Variants in RNF115 observed in about 807,000 individuals in gnomAD.
RNF115 encodes ring finger protein 115.
In RNF115, 31 loss-of-function variants were observed where a neutral mutation model predicts 39.2. The ratio of observed to expected loss-of-function variants is 0.79; its 90% CI spans 0.59 to 1.07. RNF115 has a LOEUF of 1.07. Among genes scored for constraint, RNF115 ranks in the 50% least tolerant of loss-of-function variants. The pLI is 0.00. For missense variants in RNF115, 384 were observed against 381.7 expected (o/e 1.01, Z -0.05); for synonymous variants, 124 against 131.0 (o/e 0.95, Z 0.37).
chr1:145,813,201 G>A lies in RNF115; in HGVS notation c.102+10571C>T, dbSNP rs1649814525. Among the ~76,000 whole-genome samples, 4 of 151,426 alleles carry A rather than the reference G, an allele frequency of 2.6e-5. No homozygotes were observed. The Admixed American group carries it at 2.7e-4, about 10-fold the overall frequency. On this transcript the variant is annotated intron_variant, in intron 1 of 8. Transcript: ENST00000582693. ...GCACCTAAGTATCATTTTACAATGG[G>A]ATATACTTAGGTAAACTGAGACGGT...
rs1037102245 is a variant in RNF115 at position 145,743,110 on chromosome 1, G to A, written c.*3756C>T. On this transcript the variant is annotated 3_prime_UTR_variant, in exon 9 of 9. Coordinates refer to ENST00000582693, the MANE Select transcript of RNF115 (RefSeq NM_014455.4). ...GATGGTTAATCTTATGTGTCAACTT[G>A]ACTAGGCCACATGATGCCCAGATAT... 6.6e-6 allele frequency: 1 copy of A among 152,192 alleles called. No individual in the cohort carries two copies. Among genetic ancestry groups the A allele is most frequent in the African/African-American group, 2.4e-5 (1 of 41,432 alleles). 9.4% of individuals were successfully genotyped at this position (152,192 alleles called of 1,614,324 possible).
At chr1:145,773,167 G>C (rs1355170221) in intron 3 of RNF115, 1 of 152,148 alleles carries the variant, frequency 6.6e-6, no homozygotes, top group Non-Finnish European at 1.5e-5. Flanking sequence ...TAAGACAGCT[G>C]ATTTAAAGTT....
At chr1:145,751,183 A>G (rs1300742607) in intron 6 of RNF115, among the ~76,000 whole-genome samples, 1 of 152,182 alleles carries the variant, frequency 6.6e-6, no homozygotes, top group Admixed American at 6.5e-5. Context: ...AATACAAAAT[A>G]CTATTTGTTA....
Position 145,771,795 on chromosome 1 carries a change from C to G in RNF115, c.344G>C (p.Gly115Ala). 2 of 1,614,134 alleles carry G rather than the reference C, an allele frequency of 1.2e-6. No homozygotes were observed. The highest frequency in any genetic ancestry group is 1.7e-6 in the Non-Finnish European group (2 of 1,179,992). The change falls in exon 4 of 9, where the codon GGA becomes GCA. Residue 115 changes from glycine to alanine, a missense_variant. Gly to Ala is a moderately conservative substitution (Grantham distance 60). Coordinates refer to ENST00000582693, the MANE Select transcript of RNF115 (RefSeq NM_014455.4). ...RGHQTHTDFW[G>A]ARPPRLPLGR... ...CAATGGCAACCGTGGAGGTCTTGCT[C>G]CCCAGAAGTCAGTGTGAGTCTGGTG... is the stretch of plus-strand genomic sequence containing the variant.
chr1:145,806,379 A>T (rs1649465081), intron 1 of RNF115, among the ~76,000 whole-genome samples: 1 of 152,122 alleles, frequency 6.6e-6, no homozygotes, highest in African/African-American at 2.4e-5. Context: ...AAATAAATAA[A>T]TATTAAATTT....
chr1:145,789,486 C>G (rs1040518870), intron 1 of RNF115, among the ~76,000 whole-genome samples: 2 of 151,594 alleles, frequency 1.3e-5, no homozygotes, highest in Non-Finnish European at 2.9e-5. Context: ...GCAACCTCCA[C>G]CTCCTGGGTT....
intron 1 of RNF115, among the ~76,000 whole-genome samples, chr1:145,790,376 G>A (rs1489934841): frequency 1.3e-5 from 2 of 151,656 alleles, no homozygotes; most frequent in African/African-American, 4.8e-5. Context: ...CCGACCTCAG[G>A]TGATCCCCCT....
At chr1:145,783,242 G>A (rs587728163) in intron 3 of RNF115, among the ~76,000 whole-genome samples, 1 of 152,198 alleles carries the variant, frequency 6.6e-6, no homozygotes, top group East Asian at 1.9e-4. Flanking sequence ...GATCTGTCTG[G>A]AATCACTCTA....
chr1:145,780,145 T>A (rs1571744923), intron 3 of RNF115, among the ~76,000 whole-genome samples: 2 of 151,944 alleles, frequency 1.3e-5, no homozygotes, highest in South Asian at 4.2e-4. Flanking sequence ...AGAGAATCAC[T>A]AGAACCCAGG....
chr1:145,799,294 T>G (rs1432573369), intron 1 of RNF115, among the ~76,000 whole-genome samples: 4 of 151,992 alleles, frequency 2.6e-5, no homozygotes, highest in African/African-American at 9.7e-5. Flanking sequence ...TCTCGATCTC[T>G]TGACCTCGTG....
chr1:145,818,301 T>A (rs1490165977), intron 1 of RNF115, among the ~76,000 whole-genome samples: 2 of 151,834 alleles, frequency 1.3e-5, no homozygotes, highest in East Asian at 3.9e-4. Flanking sequence ...CTGACTGGTG[T>A]GAGATGGTAT....
chr1:145,788,512 G>C (rs1214973066), intron 2 of RNF115, among the ~76,000 whole-genome samples: 12 of 152,118 alleles, frequency 7.9e-5, no homozygotes, highest in African/African-American at 2.9e-4. Context: ...CCGCCAAAGA[G>C]GTATAACAGC....
At chr1:145,764,653 C>A (rs1168292219) in intron 4 of RNF115, among the ~76,000 whole-genome samples, 1 of 151,890 alleles carries the variant, frequency 6.6e-6, no homozygotes, top group Non-Finnish European at 1.5e-5. Flanking sequence ...GCAGCCGCCC[C>A]GTCTGGGAAG....
At chr1:145,749,153 T>C (rs769495377) in intron 7 of RNF115, among the ~76,000 whole-genome samples, 24 of 152,186 alleles carry the variant, frequency 1.6e-4, no homozygotes, top group Non-Finnish European at 2.9e-4. Flanking sequence ...ATATGCTCCA[T>C]GAACTAACAG....
intron 1 of RNF115, among the ~76,000 whole-genome samples, chr1:145,807,177 G>A (rs1402568189): frequency 2.0e-5 from 3 of 152,146 alleles, no homozygotes; most frequent in African/African-American, 4.8e-5. Flanking sequence ...AACTAAATTC[G>A]AAGTGCTGTA....
At chr1:145,802,627 T>TA (rs1434763726) in intron 1 of RNF115, among the ~76,000 whole-genome samples, 1 of 152,192 alleles carries the variant, frequency 6.6e-6, no homozygotes, top group African/African-American at 2.4e-5. Context: ...GTTATCAACT[T>TA]AAAGTGTTTA....
At chr1:145,765,641 A>C (rs1316880091) in intron 4 of RNF115, among the ~76,000 whole-genome samples, 1 of 116,218 alleles carries the variant, frequency 8.6e-6, no homozygotes, top group Non-Finnish European at 1.8e-5. Flanking sequence ...CTGAAACAGA[A>C]TACCCTCAGT....
At chr1:145,765,626 A>G (rs1553714673) in intron 4 of RNF115, among the ~76,000 whole-genome samples, 1 of 137,638 alleles carries the variant, frequency 7.3e-6, no homozygotes, top group Non-Finnish European at 1.6e-5. Flanking sequence ...TGAGTTTTAT[A>G]GTCACTGAAA....
chr1:145,764,790 C>T (rs1374200636), intron 4 of RNF115, among the ~76,000 whole-genome samples: 2 of 151,376 alleles, frequency 1.3e-5, no homozygotes, highest in African/African-American at 4.9e-5. Flanking sequence ...CCGCCCCATC[C>T]GGGAGGGAGA....
Sources: gnomAD v4.1 joint callset for allele counts (sites outside exome capture counted in the v4.1 genomes callset) on GRCh38, gnomAD v4.1.1 for gene constraint, MANE v1.5 for transcripts, NCBI Gene and HGNC (gene_info 2026-07-23, HGNC 2026-07-21) for gene names.